TMEM132C: variants seen among roughly 807,000 people sequenced by gnomAD.
TMEM132C encodes transmembrane protein 132C.
In TMEM132C, 29 loss-of-function variants were observed where a neutral mutation model predicts 61.4. The observed-to-expected ratio is 0.47, with a 90% confidence interval of 0.35 to 0.64. The LOEUF is 0.64. Among genes scored for constraint, TMEM132C ranks in the 30% least tolerant of loss-of-function variants. The pLI, the probability that TMEM132C is intolerant of heterozygous loss-of-function variation, is 0.00. For missense variants in TMEM132C, 1,408 were observed against 1,476.9 expected (o/e 0.95, Z 0.76); for synonymous variants, 656 against 633.1 (o/e 1.04, Z -0.54).
At chr12:128,597,474 G>GAGGA (rs72237709) in intron 3 of TMEM132C, among the ~76,000 whole-genome samples, 4 of 129,734 alleles carry the variant, frequency 3.1e-5, no homozygotes, top group African/African-American at 1.1e-4. Flanking sequence ...GAGCGAGAGA[G>GAGGA]AGGAAGGAAG....
chr12:128,298,529 C>T (rs773956427), intron 1 of TMEM132C, among the ~76,000 whole-genome samples: 9 of 152,152 alleles, frequency 5.9e-5, no homozygotes, highest in Non-Finnish European at 1.3e-4. Flanking sequence ...AACTACGGTA[C>T]GTACGACTCA....
At chr12:128,550,114 G>A (rs1409541892) in intron 3 of TMEM132C, among the ~76,000 whole-genome samples, 1 of 152,148 alleles carries the variant, frequency 6.6e-6, no homozygotes, top group Admixed American at 6.5e-5. Flanking sequence ...TCCACAGACT[G>A]GTTGGCTTAA....
At chr12:128,636,501 C>T (rs1421204570) in intron 4 of TMEM132C, among the ~76,000 whole-genome samples, 1 of 151,966 alleles carries the variant, frequency 6.6e-6, no homozygotes, top group Non-Finnish European at 1.5e-5. Flanking sequence ...AGACCCGTCA[C>T]CTCCCAAAGT....
At chr12:128,677,587 C>A (rs1308293130) in intron 5 of TMEM132C, among the ~76,000 whole-genome samples, 1 of 152,052 alleles carries the variant, frequency 6.6e-6, no homozygotes, top group Non-Finnish European at 1.5e-5. Context: ...TTGGACAGCA[C>A]CCTATGTACA....
At chr12:128,702,811 T>A (rs1381269546) in intron 8 of TMEM132C, among the ~76,000 whole-genome samples, 4 of 152,208 alleles carry the variant, frequency 2.6e-5, no homozygotes, top group Non-Finnish European at 5.9e-5. Flanking sequence ...CAGGTAGGAT[T>A]TTCCCATGCC....
chr12:128,503,826 CCTCT>C (rs1269077937), intron 2 of TMEM132C, among the ~76,000 whole-genome samples: 1 of 152,178 alleles, frequency 6.6e-6, no homozygotes, highest in Non-Finnish European at 1.5e-5. Flanking sequence ...GTGTGGTCAG[CCTCT>C]CTGGTGTTAT....
intron 3 of TMEM132C, among the ~76,000 whole-genome samples, chr12:128,550,621 A>C (rs1026862907): frequency 6.6e-6 from 1 of 152,178 alleles, no homozygotes; most frequent in African/African-American, 2.4e-5. Flanking sequence ...TCTTCCCGTA[A>C]GGACACCAGT....
intron 1 of TMEM132C, 106 bp downstream of exon 1, chr12:128,267,593 G>A: frequency 1.1e-6 from 1 of 932,712 alleles, no homozygotes; most frequent in Non-Finnish European, 1.4e-6. Flanking sequence ...GGGGGCCTCG[G>A]CGGGGGCTCG....
intron 4 of TMEM132C, among the ~76,000 whole-genome samples, chr12:128,632,299 G>A (rs1368285156): frequency 6.6e-6 from 1 of 152,168 alleles, no homozygotes; most frequent in Admixed American, 6.5e-5. Context: ...ACTTAGAAGA[G>A]TACTTGGCAC....
At chr12:128,431,683 G>T (rs11059691) in intron 2 of TMEM132C, among the ~76,000 whole-genome samples, 56,154 of 151,134 alleles carry the variant, frequency 0.37, 10,580 homozygotes, top group South Asian at 0.48. Context: ...GCCTGCCGAG[G>T]AGTTGGGATT....
At chr12:128,692,873 T>C (rs1954730231) in intron 5 of TMEM132C, among the ~76,000 whole-genome samples, 1 of 152,206 alleles carries the variant, frequency 6.6e-6, no homozygotes, top group South Asian at 2.1e-4. Context: ...TGTTTATTTT[T>C]CTTTCTGCTT....
chr12:128,629,779 A>G (rs906423215), intron 4 of TMEM132C, among the ~76,000 whole-genome samples: 2 of 152,158 alleles, frequency 1.3e-5, no homozygotes, highest in Non-Finnish European at 2.9e-5. Flanking sequence ...CAGCCTGGCC[A>G]AGATGGTGAG....
At chr12:128,466,325 G>T (rs1159260917) in intron 2 of TMEM132C, among the ~76,000 whole-genome samples, 4 of 152,222 alleles carry the variant, frequency 2.6e-5, no homozygotes, top group Non-Finnish European at 5.9e-5. Flanking sequence ...TGTAGCCATT[G>T]GCTCAGTTTG....
intron 4 of TMEM132C, among the ~76,000 whole-genome samples, chr12:128,624,373 G>A (rs369867713): frequency 3.3e-4 from 50 of 151,916 alleles, no homozygotes; most frequent in East Asian, 1.9e-3. Context: ...GCGAAACCCC[G>A]TCTCTACTAA....
chr12:128,409,671 C>T (rs1022584101), intron 1 of TMEM132C, among the ~76,000 whole-genome samples: 2 of 152,140 alleles, frequency 1.3e-5, no homozygotes, highest in African/African-American at 4.8e-5. Context: ...GAGCAGTCTG[C>T]GATGTCGGGT....
chr12:128,495,100 A>C (rs7312375), intron 2 of TMEM132C, among the ~76,000 whole-genome samples: 40,546 of 133,278 alleles, frequency 0.3, 6,831 homozygotes, highest in East Asian at 0.53. Flanking sequence ...TTCGTTATGT[A>C]CCCAGTAGTC....
intron 1 of TMEM132C, among the ~76,000 whole-genome samples, chr12:128,289,334 A>G (rs1266308843): frequency 6.6e-6 from 1 of 152,196 alleles, no homozygotes. Context: ...CCTTGTGACT[A>G]GCCGTTAGTT....
intron 3 of TMEM132C, among the ~76,000 whole-genome samples, chr12:128,611,933 G>A (rs536299733): frequency 9.7e-4 from 147 of 152,250 alleles, no homozygotes; most frequent in Middle Eastern, 6.8e-3. Context: ...CTCCACGAAA[G>A]GGTCAAGTTT....
At chr12:128,533,155 A>T (rs564444828) in intron 2 of TMEM132C, among the ~76,000 whole-genome samples, 1 of 152,262 alleles carries the variant, frequency 6.6e-6, no homozygotes, top group African/African-American at 2.4e-5. Flanking sequence ...GCTGTTATGT[A>T]CATGTGACCA....
Sources: gnomAD v4.1 joint callset for allele counts (sites outside exome capture counted in the v4.1 genomes callset) on GRCh38, gnomAD v4.1.1 for gene constraint, MANE v1.5 for transcripts, NCBI Gene and HGNC (gene_info 2026-07-23, HGNC 2026-07-21) for gene names.